The following PACRG variants were observed in gnomAD, a reference collection of about 807,000 sequenced individuals.
PACRG encodes the protein parkin coregulated.
PACRG carries 29 observed loss-of-function variants against 29.7 expected under a neutral mutation model. That is an observed-to-expected ratio of 0.98 (90% CI 0.73 to 1.33). The LOEUF (loss-of-function observed/expected upper bound fraction) is 1.33. Among genes scored for constraint, PACRG ranks in the 40% most tolerant of loss-of-function variants. The pLI is 0.00. For synonymous variants in PACRG, 116 were observed against 118.7 expected (o/e 0.98, Z 0.15); for missense variants, 279 against 316.2 (o/e 0.88, Z 0.89).
intron 1 of PACRG, among the ~76,000 whole-genome samples, chr6:162,791,748 A>G (rs1784968346): frequency 6.6e-6 from 1 of 152,204 alleles, no homozygotes; most frequent in South Asian, 2.1e-4. Context: ...TACTTACTGC[A>G]TTCTAGAAGG....
chr6:162,997,704 G>A (rs1030998587), intron 2 of PACRG, among the ~76,000 whole-genome samples: 1 of 152,186 alleles, frequency 6.6e-6, no homozygotes, highest in Non-Finnish European at 1.5e-5. Flanking sequence ...GCCAGGAATG[G>A]GAGTTCCCAT....
intron 1 of PACRG, among the ~76,000 whole-genome samples, chr6:162,805,547 AT>A (rs1232212734): frequency 6.6e-6 from 1 of 152,018 alleles, no homozygotes; most frequent in Non-Finnish European, 1.5e-5. Flanking sequence ...GCATTGATTG[AT>A]TTTTCTTTTC....
chr6:163,227,692 A>G (rs1781859372), intron 4 of PACRG, among the ~76,000 whole-genome samples: 1 of 152,120 alleles, frequency 6.6e-6, no homozygotes, highest in Admixed American at 6.5e-5. Context: ...AGGTCCAGCA[A>G]ACATTCACCC....
intron 1 of PACRG, among the ~76,000 whole-genome samples, chr6:162,779,065 TC>T (rs1783883174): frequency 6.6e-6 from 1 of 152,008 alleles, no homozygotes; most frequent in Non-Finnish European, 1.5e-5. Flanking sequence ...TGTATGTTGT[TC>T]CCCCACCCCA....
chr6:163,174,834 A>T (rs1779266942), intron 4 of PACRG, among the ~76,000 whole-genome samples: 1 of 152,108 alleles, frequency 6.6e-6, no homozygotes, highest in African/African-American at 2.4e-5. Flanking sequence ...GACACCAAGG[A>T]CAGTAGGTGC....
At chr6:162,781,232 TTAAAG>T (rs1245149679) in intron 1 of PACRG, among the ~76,000 whole-genome samples, 1 of 152,042 alleles carries the variant, frequency 6.6e-6, no homozygotes, top group Non-Finnish European at 1.5e-5. Context: ...AAGAGCATCT[TTAAAG>T]TATGCAAAAA....
intron 4 of PACRG, among the ~76,000 whole-genome samples, chr6:163,240,886 C>T (rs1029450501): frequency 6.6e-5 from 10 of 152,228 alleles, no homozygotes; most frequent in Non-Finnish European, 1.5e-4. Context: ...TCGCCCGTAG[C>T]AAGGGGCTTG....
chr6:163,127,553 T>C, intron 4 of PACRG, among the ~76,000 whole-genome samples: 1 of 152,208 alleles, frequency 6.6e-6, no homozygotes, highest in East Asian at 1.9e-4. Flanking sequence ...AATCTTCAGG[T>C]CGCCTTATAA....
intron 1 of PACRG, among the ~76,000 whole-genome samples, chr6:162,760,675 G>A (rs1179114493): frequency 6.6e-6 from 1 of 152,158 alleles, no homozygotes; most frequent in East Asian, 1.9e-4. Context: ...GAACTGAGAT[G>A]AGATAGTGGG....
chr6:163,008,163 T>C (rs1185447668), intron 2 of PACRG, among the ~76,000 whole-genome samples: 1 of 152,142 alleles, frequency 6.6e-6, no homozygotes, highest in Non-Finnish European at 1.5e-5. Flanking sequence ...TTTTCCATAG[T>C]TCCCCCTAAC....
intron 4 of PACRG, among the ~76,000 whole-genome samples, chr6:163,146,715 A>C (rs1379535079): frequency 6.6e-6 from 1 of 152,232 alleles, no homozygotes; most frequent in Non-Finnish European, 1.5e-5. Flanking sequence ...CAAAGGATCT[A>C]ATAACATCTT....
At chr6:163,216,112 CT>C (rs1781351714) in intron 4 of PACRG, among the ~76,000 whole-genome samples, 2 of 152,206 alleles carry the variant, frequency 1.3e-5, no homozygotes, top group Non-Finnish European at 2.9e-5. Flanking sequence ...TCCCTCTTTT[CT>C]GTGTCCAGAG....
At chr6:163,128,967 G>A (rs1184248065) in intron 4 of PACRG, among the ~76,000 whole-genome samples, 1 of 152,102 alleles carries the variant, frequency 6.6e-6, no homozygotes, top group Non-Finnish European at 1.5e-5. Context: ...GGTGGTATGT[G>A]TTAAATGTTA....
chr6:162,932,813 T>TAA (rs1226844723), intron 2 of PACRG, among the ~76,000 whole-genome samples: 1 of 151,980 alleles, frequency 6.6e-6, no homozygotes, highest in African/African-American at 2.4e-5. Context: ...TGCTTATCTT[T>TAA]AAAAAACAGC....
intron 2 of PACRG, among the ~76,000 whole-genome samples, chr6:162,922,575 C>G (rs913533794): frequency 6.6e-6 from 1 of 151,982 alleles, no homozygotes. Flanking sequence ...CCCATCCCCA[C>G]CAGCCTTCCC....
intron 4 of PACRG, among the ~76,000 whole-genome samples, chr6:163,302,807 C>T (rs899630338): frequency 1.3e-5 from 2 of 152,056 alleles, no homozygotes; most frequent in African/African-American, 4.8e-5. Flanking sequence ...GTGAGTTTAT[C>T]CATTTAATTA....
At chr6:162,752,808 C>T (rs1331295145) in intron 1 of PACRG, among the ~76,000 whole-genome samples, 4 of 152,162 alleles carry the variant, frequency 2.6e-5, no homozygotes, top group African/African-American at 9.6e-5. Flanking sequence ...ATATGTGTGA[C>T]ATAGTCTAAA....
intron 2 of PACRG, among the ~76,000 whole-genome samples, chr6:162,983,548 T>C (rs571251580): frequency 1.5e-5 from 2 of 136,734 alleles, no homozygotes; most frequent in African/African-American, 5.4e-5. Flanking sequence ...AAAAAGACTT[T>C]ATCTCTCTTT....
intron 4 of PACRG, among the ~76,000 whole-genome samples, chr6:163,253,249 G>C (rs1402656106): frequency 2.0e-5 from 3 of 148,814 alleles, no homozygotes; most frequent in African/African-American, 7.5e-5. Context: ...GCAGTGAGGG[G>C]AGATCGCACC....
Sources: gnomAD v4.1 joint callset for allele counts (sites outside exome capture counted in the v4.1 genomes callset) on GRCh38, gnomAD v4.1.1 for gene constraint, MANE v1.5 for transcripts, NCBI Gene and HGNC (gene_info 2026-07-23, HGNC 2026-07-21) for gene names.